Variants in CLIC2 observed in about 807,000 individuals in gnomAD.
CLIC2 encodes the protein CLIC family member 2, also known as chloride intracellular channel protein 2.
In CLIC2, 9 loss-of-function variants were observed where a neutral mutation model predicts 14.8. The observed-to-expected ratio is 0.61, with a 90% CI of 0.37 to 1.06. The LOEUF (loss-of-function observed/expected upper bound fraction) is 1.06. Among genes scored for constraint, CLIC2 ranks in the 50% least tolerant of loss-of-function variants. The pLI, the probability that CLIC2 is intolerant of heterozygous loss-of-function variation, is 0.01. For synonymous variants in CLIC2, 61 were observed against 66.3 expected, an observed-to-expected ratio of 0.92 and a Z score of 0.39; for missense variants, 148 against 181.4, an observed-to-expected ratio of 0.82 and a Z score of 1.06.
intron 1 of CLIC2, among the ~76,000 whole-genome samples, chrX:155,330,974 GGACAAAATTTCAATTTTTT>G (rs1447228995): frequency 9.0e-6 from 1 of 110,946 alleles, no homozygotes; most frequent in Non-Finnish European, 1.9e-5. Context: ...CAGAAACACT[GGACAAAATTTCAATTTTTT>G]GACAAAATTT....
intron 3 of CLIC2, among the ~76,000 whole-genome samples, chrX:155,281,805 C>T (rs2074920585): frequency 9.0e-6 from 1 of 111,390 alleles, no homozygotes; most frequent in Admixed American, 9.5e-5. Flanking sequence ...CATGTCATGT[C>T]TTTCCCCTAC....
intron 1 of CLIC2, among the ~76,000 whole-genome samples, chrX:155,312,989 A>C (rs1557320730): frequency 9.0e-6 from 1 of 111,082 alleles, no homozygotes; most frequent in Non-Finnish European, 1.9e-5. Context: ...ATAATTAGAG[A>C]AATTCAAATC....
At chrX:155,324,435 C>G (rs7052359) in intron 1 of CLIC2, among the ~76,000 whole-genome samples, 1 of 110,246 alleles carries the variant, frequency 9.1e-6, no homozygotes, top group African/African-American at 3.3e-5. Context: ...CAATGGAACA[C>G]AACAGAGACC....
chrX:155,322,073 G>C (rs955793208), intron 1 of CLIC2, among the ~76,000 whole-genome samples: 7 of 111,127 alleles, frequency 6.3e-5, no homozygotes, highest in Non-Finnish European at 1.3e-4. Context: ...AGTTCTTAGA[G>C]ACCTACAAAG....
intron 1 of CLIC2, among the ~76,000 whole-genome samples, chrX:155,303,968 T>C (rs2075033178): frequency 9.3e-6 from 1 of 107,167 alleles, no homozygotes; most frequent in African/African-American, 3.4e-5. Flanking sequence ...TCTGATGGGC[T>C]TCCCTTTGAG....
chrX:155,304,122 T>G (rs1471927120), intron 1 of CLIC2, among the ~76,000 whole-genome samples: 2 of 107,539 alleles, frequency 1.9e-5, no homozygotes, highest in Admixed American at 2.0e-4. Context: ...ATCTGAACGT[T>G]GGCCTGCCTT....
chrX:155,299,989 G>A lies in CLIC2; in HGVS notation c.58-844C>T, dbSNP rs782804404. 4.6e-5 allele frequency among the ~76,000 whole-genome samples: 5 copies of A among 109,881 alleles called. No individual in the cohort carries two copies. The East Asian group carries it at 1.4e-3, about 32-fold the overall frequency. On this transcript the variant is annotated intron_variant, in intron 1 of 5. Coordinates refer to ENST00000369449, the MANE Select transcript of CLIC2 (RefSeq NM_001289.6). The stretch of plus-strand genomic sequence containing the variant: ...TCCAGTCTATCATTGTTGGACATTT[G>A]GGTTGGTTCCAAGTCTTTGCTATTG...
At chrX:155,280,990 GATATATAT>G (rs373277985) in intron 3 of CLIC2, among the ~76,000 whole-genome samples, 1 of 89,918 alleles carries the variant, frequency 1.1e-5, no homozygotes. Context: ...GAAATTGTGA[GATATATAT>G]ATATATATAT....
intron 1 of CLIC2, among the ~76,000 whole-genome samples, chrX:155,314,322 G>A (rs1156714965): frequency 8.9e-6 from 1 of 112,235 alleles, no homozygotes; most frequent in Non-Finnish European, 1.9e-5. Flanking sequence ...GACTCTCACA[G>A]AATCCACTTC....
intron 3 of CLIC2, among the ~76,000 whole-genome samples, chrX:155,289,750 AC>A (rs2074955979): frequency 8.9e-6 from 1 of 111,968 alleles, no homozygotes; most frequent in Non-Finnish European, 1.9e-5. Context: ...AATATCTGGT[AC>A]CCTTAAAGTT....
At chrX:155,322,305 A>G (rs2075118615) in intron 1 of CLIC2, among the ~76,000 whole-genome samples, 1 of 111,803 alleles carries the variant, frequency 8.9e-6, no homozygotes, top group Non-Finnish European at 1.9e-5. Context: ...ACATAATTGG[A>G]AGTAAAACAC....
intron 1 of CLIC2, among the ~76,000 whole-genome samples, chrX:155,316,454 C>T (rs1326943718): frequency 4.5e-5 from 5 of 111,191 alleles, no homozygotes; most frequent in Non-Finnish European, 9.4e-5. Context: ...AAATAAACTC[C>T]ATAAGGAATC....
chrX:155,311,381 T>A (rs894776527), intron 1 of CLIC2, among the ~76,000 whole-genome samples: 1 of 111,899 alleles, frequency 8.9e-6, no homozygotes, highest in Non-Finnish European at 1.9e-5. Flanking sequence ...GACAAAATGC[T>A]GCCAGTCTCT....
At chrX:155,287,410 T>G in intron 3 of CLIC2, among the ~76,000 whole-genome samples, 1 of 111,741 alleles carries the variant, frequency 8.9e-6, no homozygotes, top group Non-Finnish European at 1.9e-5. Context: ...CTTGGCTCAC[T>G]GCAACCTCCA....
intron 3 of CLIC2, among the ~76,000 whole-genome samples, chrX:155,287,200 T>C (rs1200870089): frequency 8.9e-6 from 1 of 112,108 alleles, no homozygotes; most frequent in Non-Finnish European, 1.9e-5. Flanking sequence ...CCCAGCACCA[T>C]TTATTGAACA....
chrX:155,293,255 A>T, intron 3 of CLIC2: 1 of 963,451 alleles, frequency 1.0e-6, no homozygotes, highest in East Asian at 3.1e-5. Context: ...CCAAGAAAAG[A>T]TGCTCCCAAA....
chrX:155,301,119 G>A (rs113904267), intron 1 of CLIC2, among the ~76,000 whole-genome samples: 1 of 71,973 alleles, frequency 1.4e-5, no homozygotes, highest in African/African-American at 4.2e-5. Flanking sequence ...GTGAAGAAAG[G>A]CATTGGTAGC....
intron 1 of CLIC2, among the ~76,000 whole-genome samples, chrX:155,311,354 C>T (rs1438471673): frequency 8.9e-6 from 1 of 111,789 alleles, no homozygotes; most frequent in Non-Finnish European, 1.9e-5. Flanking sequence ...CAAACTTCCA[C>T]AAATCTCTAG....
In CLIC2 at chrX:155,287,615, T is replaced by C. The variant is rs1414392820; in HGVS notation, c.294-7547A>G. On this transcript the variant is annotated intron_variant, in intron 3 of 5. Coordinates refer to ENST00000369449, the MANE Select transcript of CLIC2 (RefSeq NM_001289.6). ...TCCAAAAGTGCAGGGATTACAGGTG[T>C]TGTATCAGTACCATGCTGTGTTTTG... 2.7e-5 allele frequency among the ~76,000 whole-genome samples: 3 copies of C among 112,172 alleles called. No homozygotes were observed. In the Admixed American group the frequency reaches 2.8e-4, roughly 11 times the overall value.
Sources: gnomAD v4.1 joint callset for allele counts (sites outside exome capture counted in the v4.1 genomes callset) on GRCh38, gnomAD v4.1.1 for gene constraint, MANE v1.5 for transcripts, NCBI Gene and HGNC (gene_info 2026-07-23, HGNC 2026-07-21) for gene names.